Variants in KDM4B observed in about 807,000 individuals in gnomAD.
The protein encoded by KDM4B is lysine-specific demethylase 4B.
A neutral mutation model predicts 125.2 loss-of-function variants in KDM4B; 32 were observed. That is an observed-to-expected ratio of 0.26 (90% CI 0.19 to 0.34). The LOEUF (loss-of-function observed/expected upper bound fraction) is 0.34, where lower values mean the gene tolerates loss of function less well. Ranked by LOEUF, KDM4B falls within the 10% of genes least tolerant of loss-of-function variation. The pLI, the probability that KDM4B is intolerant of heterozygous loss-of-function variation, is 1.00. For missense variants in KDM4B, 1,190 were observed against 1,577.7 expected (o/e 0.75, Z 4.16); for synonymous variants, 721 against 677.9 (o/e 1.06, Z -0.99).
intron 3 of KDM4B, among the ~76,000 whole-genome samples, chr19:5,034,810 C>T (rs1233961460): frequency 6.6e-6 from 1 of 152,230 alleles, no homozygotes; most frequent in Admixed American, 6.5e-5. Context: ...TTTTCTTCCC[C>T]TCCAAGATGG....
intron 13 of KDM4B, among the ~76,000 whole-genome samples, chr19:5,132,554 G>A (rs1437466944): frequency 6.6e-6 from 1 of 152,120 alleles, no homozygotes; most frequent in Non-Finnish European, 1.5e-5. Flanking sequence ...GGGAGAGGAG[G>A]GTTCTAGAAG....
chr19:4,973,764 T>C (rs575440052), intron 1 of KDM4B, among the ~76,000 whole-genome samples: 60 of 150,488 alleles, frequency 4.0e-4, no homozygotes, highest in Admixed American at 3.5e-3. Flanking sequence ...ACATGGGAAG[T>C]CTCTACCTCC....
At chr19:5,026,614 C>T (rs539810259) in intron 2 of KDM4B, among the ~76,000 whole-genome samples, 7 of 152,216 alleles carry the variant, frequency 4.6e-5, no homozygotes, top group Non-Finnish European at 7.4e-5. Flanking sequence ...ATTTGCTCAG[C>T]GGAGGAGGAT....
At chr19:5,119,471 C>T (rs1337519843) in intron 10 of KDM4B, among the ~76,000 whole-genome samples, 182 bp from the exon 11 acceptor site, 1 of 152,222 alleles carries the variant, frequency 6.6e-6, no homozygotes, top group East Asian at 1.9e-4. Context: ...CGGCTCCTGC[C>T]CCGCAAGAGC....
chr19:5,003,542 C>T (rs72990124), intron 1 of KDM4B, among the ~76,000 whole-genome samples: 3,981 of 152,174 alleles, frequency 0.026, 73 homozygotes, highest in Middle Eastern at 0.051. Flanking sequence ...GGTGCAGTGG[C>T]TCACACCTGT....
At position 5,040,217 on chromosome 19, in the gene KDM4B, A is replaced by C. The variant is rs867041962; in HGVS notation, c.317+206A>C. Among the ~76,000 whole-genome samples, 6 of 152,090 alleles carry C rather than the reference A, an allele frequency of 3.9e-5. No homozygotes were observed. In the Middle Eastern group the frequency reaches 0.01, roughly 259 times the overall value. On this transcript the variant is annotated intron_variant, in intron 4 of 22. Coordinates refer to ENST00000159111, the MANE Select transcript of KDM4B (RefSeq NM_015015.3). ...GCCTGGGCTGACCCACACCGCCCTC[A>C]TCTCAGTTTCCCAGGGCTTCCCAGT... is the stretch of plus-strand genomic sequence containing the variant.
chr19:5,127,612 G>A (rs945871939), intron 11 of KDM4B, among the ~76,000 whole-genome samples: 44 of 152,302 alleles, frequency 2.9e-4, no homozygotes, highest in Middle Eastern at 3.4e-3. Context: ...CTCAAATTAT[G>A]TCCCACTTTG....
intron 6 of KDM4B, among the ~76,000 whole-genome samples, chr19:5,067,135 G>A (rs1474514294): frequency 6.6e-6 from 1 of 152,108 alleles, no homozygotes; most frequent in Non-Finnish European, 1.5e-5. Context: ...CAACAGTGCT[G>A]TCTTCAGCCC....
In KDM4B at chr19:5,084,585, A is replaced by G. The variant is rs550535214; in HGVS notation, c.918+2081A>G. ...TATATAAATTATATGTATTATATATAAATATAAATTATATAAATTATATAT... is the reference window on the plus strand; with the variant it reads ...TATATAAATTATATGTATTATATATGAATATAAATTATATAAATTATATAT... On this transcript the variant is annotated intron_variant, in intron 9 of 22. Transcript: ENST00000159111. Among the ~76,000 whole-genome samples the G allele has an allele frequency of 7.6e-4, 109 of 142,710 alleles. 1 individual carries two copies. Among genetic ancestry groups the G allele is most frequent in the African/African-American group, 2.6e-3 (100 of 38,996 alleles). 93.6% of individuals were successfully genotyped at this position (142,710 alleles called of 152,430 possible).
intron 1 of KDM4B, among the ~76,000 whole-genome samples, chr19:5,001,274 G>A (rs976370727): frequency 3.9e-5 from 6 of 152,124 alleles, no homozygotes; most frequent in African/African-American, 1.4e-4. Context: ...CCGGGCTCAA[G>A]TGGGCTCCCA....
chr19:5,148,720 G>T (rs553425534), intron 21 of KDM4B, among the ~76,000 whole-genome samples: 12 of 152,130 alleles, frequency 7.9e-5, no homozygotes, highest in African/African-American at 2.4e-4. Context: ...GCTGCTGCCC[G>T]TGGCAAAGCG....
chr19:5,000,398 T>C (rs964711820), intron 1 of KDM4B, among the ~76,000 whole-genome samples: 6 of 151,114 alleles, frequency 4.0e-5, no homozygotes, highest in East Asian at 2.0e-4. Context: ...TCCATCTGTC[T>C]GTCCATCCAT....
intron 2 of KDM4B, among the ~76,000 whole-genome samples, chr19:5,028,483 G>A (rs543173638): frequency 1.3e-5 from 2 of 152,222 alleles, no homozygotes; most frequent in Non-Finnish European, 2.9e-5. Context: ...TCTTCTGTTG[G>A]TGGACACCTG....
At chr19:5,127,341 G>A (rs1280631803) in intron 11 of KDM4B, among the ~76,000 whole-genome samples, 4 of 152,200 alleles carry the variant, frequency 2.6e-5, no homozygotes, top group South Asian at 2.1e-4. Flanking sequence ...GAATGGCTGC[G>A]GGGTGTGCCG....
At chr19:5,018,987 G>T (rs263059) in intron 2 of KDM4B, among the ~76,000 whole-genome samples, 15,661 of 152,240 alleles carry the variant, frequency 0.1, 2,458 homozygotes, top group African/African-American at 0.34. Context: ...CTCCTCTCTG[G>T]CTATTGGGAG....
chr19:5,069,576 G>A (rs2037881706), intron 6 of KDM4B, among the ~76,000 whole-genome samples: 1 of 151,544 alleles, frequency 6.6e-6, no homozygotes, highest in Admixed American at 6.6e-5. Flanking sequence ...CCAAAGTGCT[G>A]GGATTAGACG....
chr19:4,987,481 AG>A (rs1435002719), intron 1 of KDM4B, among the ~76,000 whole-genome samples: 2 of 148,872 alleles, frequency 1.3e-5, no homozygotes, highest in Non-Finnish European at 1.5e-5. Context: ...TCCCGGCCGG[AG>A]GGGGGTTATC....
At chr19:4,976,737 A>T (rs1435504737) in intron 1 of KDM4B, among the ~76,000 whole-genome samples, 2 of 152,202 alleles carry the variant, frequency 1.3e-5, no homozygotes, top group Non-Finnish European at 2.9e-5. Flanking sequence ...TTGTAGAGTG[A>T]GTGGACAAGT....
rs371410355 is a variant in KDM4B at position 5,017,075 on chromosome 19, G to A, written c.-26+736G>A. ...GGGAAAGGCTGCCTTGTGCGGCGTC[G>A]CCCTTGGATTGTGTGCCGCTTCCCT... On this transcript the variant is annotated intron_variant, in intron 2 of 22. Transcript: ENST00000159111. 3.0e-4 allele frequency among the ~76,000 whole-genome samples: 46 copies of A among 152,334 alleles called. No individual in the cohort carries two copies. In the South Asian group the frequency reaches 8.5e-3, roughly 28 times the overall value.
Sources: gnomAD v4.1 joint callset for allele counts (sites outside exome capture counted in the v4.1 genomes callset) on GRCh38, gnomAD v4.1.1 for gene constraint, MANE v1.5 for transcripts, NCBI Gene and HGNC (gene_info 2026-07-23, HGNC 2026-07-21) for gene names.